The following SATB2 variants were observed in gnomAD, a reference collection of about 807,000 sequenced individuals.
The protein encoded by SATB2 is SATB homeobox 2, also known as DNA-binding protein SATB2.
SATB2 carries 1 observed loss-of-function variant against 73.4 expected under a neutral mutation model. That is an observed-to-expected ratio of 0.01 (90% CI 0.00 to 0.06). SATB2 has a LOEUF of 0.06. Among genes scored for constraint, SATB2 ranks in the 10% least tolerant of loss-of-function variants. SATB2 has a pLI of 1.00. For synonymous variants in SATB2, 397 were observed against 367.0 expected, an observed-to-expected ratio of 1.08 and a Z score of -0.93; for missense variants, 459 against 945.8, an observed-to-expected ratio of 0.49 and a Z score of 6.75.
intron 3 of SATB2, among the ~76,000 whole-genome samples, chr2:199,411,847 G>T (rs1442117453): frequency 6.6e-6 from 1 of 152,200 alleles, no homozygotes; most frequent in Non-Finnish European, 1.5e-5. Flanking sequence ...GCATAAAGAA[G>T]AAAGTAACTA....
chr2:199,359,998 A>G (rs1417557592), intron 6 of SATB2, among the ~76,000 whole-genome samples: 3 of 152,210 alleles, frequency 2.0e-5, no homozygotes, highest in African/African-American at 7.2e-5. Flanking sequence ...CCCATTAGGC[A>G]ATGTGATTTC....
intron 7 of SATB2, among the ~76,000 whole-genome samples, chr2:199,336,606 C>A (rs1257391908): frequency 1.3e-5 from 2 of 152,142 alleles, no homozygotes; most frequent in Non-Finnish European, 2.9e-5. Flanking sequence ...TTCTTTCCTG[C>A]TGAAATATTT....
At chr2:199,387,330 G>A (rs1029823756) in intron 3 of SATB2, among the ~76,000 whole-genome samples, 4 of 152,260 alleles carry the variant, frequency 2.6e-5, no homozygotes, top group East Asian at 1.9e-4. Flanking sequence ...GCCAGAGCAC[G>A]TCCACAGTCA....
chr2:199,431,843 C>T (rs1200706205), intron 3 of SATB2, among the ~76,000 whole-genome samples: 1 of 152,234 alleles, frequency 6.6e-6, no homozygotes, highest in African/African-American at 2.4e-5. Context: ...GAAGCTGGCA[C>T]ACCAGGGTGC....
chr2:199,301,032 G>C (rs138832375), intron 10 of SATB2, among the ~76,000 whole-genome samples: 94 of 152,048 alleles, frequency 6.2e-4, no homozygotes, highest in African/African-American at 2.1e-3. Context: ...GATAAGCCTA[G>C]TAAAATGTTG....
intron 2 of SATB2, among the ~76,000 whole-genome samples, chr2:199,438,649 A>G (rs1691721713): frequency 6.6e-6 from 1 of 152,232 alleles, no homozygotes; most frequent in Non-Finnish European, 1.5e-5. Context: ...TAACCCAACA[A>G]TGAAAGACGA....
At chr2:199,442,414 A>T (rs1010029803) in intron 2 of SATB2, among the ~76,000 whole-genome samples, 1 of 152,208 alleles carries the variant, frequency 6.6e-6, no homozygotes, top group Non-Finnish European at 1.5e-5. Flanking sequence ...TGCGTAACAA[A>T]GTGGCATGCT....
At chr2:199,334,046 T>C (rs1688266864) in intron 7 of SATB2, among the ~76,000 whole-genome samples, 1 of 152,084 alleles carries the variant, frequency 6.6e-6, no homozygotes, top group Non-Finnish European at 1.5e-5. Flanking sequence ...CTAAAACATG[T>C]ACCTTTTGAA....
At chr2:199,355,333 TG>T (rs1688941724) in intron 6 of SATB2, among the ~76,000 whole-genome samples, 1 of 102,664 alleles carries the variant, frequency 9.7e-6, no homozygotes, top group African/African-American at 3.6e-5. Context: ...TATGTGTGTG[TG>T]TGTGTGTGTG....
At chr2:199,407,872 A>ATAAC (rs1690682939) in intron 3 of SATB2, among the ~76,000 whole-genome samples, 1 of 152,212 alleles carries the variant, frequency 6.6e-6, no homozygotes, top group South Asian at 2.1e-4. Flanking sequence ...AAATAAATAA[A>ATAAC]TAAAATCATG....
At chr2:199,449,951 A>AT (rs962158445) in intron 2 of SATB2, among the ~76,000 whole-genome samples, 17 of 152,192 alleles carry the variant, frequency 1.1e-4, no homozygotes, top group Middle Eastern at 3.4e-3. Flanking sequence ...TCTTTTCTTC[A>AT]TTTTTTTGAG....
At chr2:199,357,467 T>C (rs1275034812) in intron 6 of SATB2, among the ~76,000 whole-genome samples, 1 of 152,194 alleles carries the variant, frequency 6.6e-6, no homozygotes, top group Non-Finnish European at 1.5e-5. Context: ...TGGCAGCCCC[T>C]AGAGATACAG....
intron 10 of SATB2, among the ~76,000 whole-genome samples, chr2:199,274,085 A>G (rs994333759): frequency 1.7e-4 from 26 of 152,112 alleles, no homozygotes; most frequent in African/African-American, 6.3e-4. Flanking sequence ...TCCTCCCAAA[A>G]CTTTTAAGAA....
intron 10 of SATB2, among the ~76,000 whole-genome samples, chr2:199,281,363 C>T (rs540528798): frequency 5.2e-4 from 79 of 151,072 alleles, no homozygotes; most frequent in Non-Finnish European, 8.3e-4. Context: ...TAGGTTAAAA[C>T]AGTTTCCCAG....
intron 10 of SATB2, among the ~76,000 whole-genome samples, chr2:199,291,860 A>G (rs1423878373): frequency 6.6e-6 from 1 of 151,876 alleles, no homozygotes; most frequent in Non-Finnish European, 1.5e-5. Flanking sequence ...GCAATGAGCC[A>G]AGATCACGCC....
chr2:199,369,460 T>C (rs1194790364), intron 5 of SATB2, among the ~76,000 whole-genome samples: 4 of 152,176 alleles, frequency 2.6e-5, no homozygotes, highest in African/African-American at 9.7e-5. Context: ...ACACCTTGAA[T>C]TGAACTTCCT....
At chr2:199,304,996 A>C (rs2105763014) in intron 10 of SATB2, among the ~76,000 whole-genome samples, 1 of 152,270 alleles carries the variant, frequency 6.6e-6, no homozygotes, top group Non-Finnish European at 1.5e-5. Flanking sequence ...AGCATGCAAA[A>C]AATTTTGTTG....
chr2:199,423,289 A>T (rs961324790), intron 3 of SATB2, among the ~76,000 whole-genome samples: 1 of 152,086 alleles, frequency 6.6e-6, no homozygotes, highest in African/African-American at 2.4e-5. Context: ...GCTGTGTCTC[A>T]ACACCTAGAA....
At chr2:199,292,227 T>C (rs1692888941) in intron 10 of SATB2, among the ~76,000 whole-genome samples, 1 of 152,152 alleles carries the variant, frequency 6.6e-6, no homozygotes, top group Admixed American at 6.5e-5. Flanking sequence ...CTAAAGGAAA[T>C]CTCTAAGGTC....
Sources: allele counts gnomAD v4.1 joint callset (sites outside exome capture counted in the v4.1 genomes callset), GRCh38; gene constraint gnomAD v4.1.1; transcripts MANE v1.5; gene names NCBI Gene and HGNC (gene_info 2026-07-23, HGNC 2026-07-21).